ZNF384: variants seen among roughly 807,000 people sequenced by gnomAD.
ZNF384 encodes zinc finger protein 384, also known as CAG repeat protein 1.
In ZNF384, 20 loss-of-function variants were observed where a neutral mutation model predicts 65.0. That is an observed-to-expected ratio of 0.31 (90% CI 0.22 to 0.45). The LOEUF (loss-of-function observed/expected upper bound fraction) is 0.45. Among genes scored for constraint, ZNF384 ranks in the 20% least tolerant of loss-of-function variants. The pLI is 1.00. For synonymous variants in ZNF384, 310 were observed against 303.9 expected, an observed-to-expected ratio of 1.02 and a Z score of -0.21; for missense variants, 549 against 769.4, an observed-to-expected ratio of 0.71 and a Z score of 3.39.
chr12:6,674,995 C>T (rs375339392), intron 7 of ZNF384, among the ~76,000 whole-genome samples: 1 of 152,168 alleles, frequency 6.6e-6, no homozygotes. Flanking sequence ...ATTTCTCAGA[C>T]AGGTAGAACA....
chr12:6,684,028 CTGGTGG>C (rs1957059706), intron 2 of ZNF384, among the ~76,000 whole-genome samples: 1 of 151,548 alleles, frequency 6.6e-6, no homozygotes, highest in East Asian at 1.9e-4. Flanking sequence ...AAAAAAAAAA[CTGGTGG>C]ACAATATCAC....
chr12:6,679,992 T>C (rs1955313199), intron 2 of ZNF384, among the ~76,000 whole-genome samples: 1 of 152,210 alleles, frequency 6.6e-6, no homozygotes, highest in Admixed American at 6.5e-5. Flanking sequence ...AGTTTTTCTG[T>C]TTTTGAGACA....
At chr12:6,677,346 C>G (rs1320999937) in intron 6 of ZNF384, 87 bp from the exon 7 acceptor site, 2 of 1,207,050 alleles carry the variant, frequency 1.7e-6, no homozygotes, top group African/African-American at 3.2e-5. Flanking sequence ...CTGCCCCTGT[C>G]TATATCAAAG....
Position 6,678,018 on chromosome 12 carries a change from GAAGCTGTCA to G in ZNF384, c.686+100_686+108del, listed in dbSNP as rs1954356153. 4 of 1,038,254 alleles carry G rather than the reference GAAGCTGTCA, an allele frequency of 3.9e-6. No individual in the cohort carries two copies. The highest frequency in any genetic ancestry group is 1.6e-5 in the African/African-American group (1 of 62,680). 64.3% of individuals were successfully genotyped at this position (1,038,254 alleles called of 1,614,324 possible). A position where few individuals can be genotyped will look rare whatever the true frequency, so the allele number is the denominator to read the frequency against. ...TGACATGCAAGTGGCTCAGAGCTGG[GAAGCTGTCA>G]GAGTGTAGCGCCTGACCGGGGCAGA... On this transcript the variant is annotated intron_variant, in intron 6 of 11. Coordinates refer to ENST00000683879, the MANE Select transcript of ZNF384 (RefSeq NM_001385745.1). This position sits in a 1 kb window ranked among gnomAD's most constrained non-coding sequence, Gnocchi z 4.9.
chr12:6,678,109 C>T lies in ZNF384; in HGVS notation c.686+18G>A. ...CCAGGGATCCTCGCCCCATCCTGCC[C>T]CTGGCTCTGAGTCTTACCTGTAGGT... On this transcript the variant is annotated intron_variant, in intron 6 of 11. Coordinates refer to ENST00000683879, the MANE Select transcript of ZNF384 (RefSeq NM_001385745.1). The surrounding 1 kb of genome is among the most constrained non-coding windows in gnomAD (Gnocchi z 4.9). 1 of 1,598,998 alleles carries T rather than the reference C, an allele frequency of 6.3e-7. No individual in the cohort carries two copies. Among genetic ancestry groups the T allele is most frequent in the Non-Finnish European group, 8.6e-7 (1 of 1,169,586 alleles).
At position 6,667,744 on chromosome 12, in the gene ZNF384, G is replaced by A. The variant is rs1374965437; in HGVS notation, c.1797C>T (p.Thr599=). ...AGCTGGCCAGGTGCTCCACCTGGAT[G>A]GTGCTGGTGGTGACAGTGAGGCAGA... ...KDICLTVTTS[T]IQVEHLASS Residue 599 remains threonine, a synonymous_variant, in exon 12 of 12, where the codon ACC becomes ACT. Transcript: ENST00000683879. 1.9e-6 allele frequency: 3 copies of A among 1,614,192 alleles called. No individual in the cohort carries two copies. The highest frequency in any genetic ancestry group is 2.5e-6 in the Non-Finnish European group (3 of 1,180,028).
intron 11 of ZNF384, among the ~76,000 whole-genome samples, chr12:6,668,376 C>T (rs1301508288): frequency 6.6e-6 from 1 of 152,018 alleles, no homozygotes; most frequent in African/African-American, 2.4e-5. Context: ...CTGAATGAAA[C>T]AACTTTACAA....
At position 6,679,028 on chromosome 12, in the gene ZNF384, G is replaced by A; in HGVS notation, c.222C>T (p.Asp74=). Reference sequence around the variant, plus strand: ...ACGCTTGGCTGTGTGGGGTCAGCTGGTCTGACTTGGACTCTGTGTCCATAC... The same window carrying A: ...ACGCTTGGCTGTGTGGGGTCAGCTGATCTGACTTGGACTCTGTGTCCATAC... The part of the protein sequence containing the change: ...GISMDTESKS[D]QLTPHSQASV... Residue 74 remains aspartate, a synonymous_variant, in exon 4 of 12, where the codon GAC becomes GAT. Transcript: ENST00000683879. 6.2e-7 allele frequency: 1 copy of A among 1,614,058 alleles called. No individual in the cohort carries two copies.
intron 9 of ZNF384, 32 bp from the exon 10 acceptor site, chr12:6,670,870 T>G (rs747409254): frequency 6.3e-7 from 1 of 1,596,602 alleles, no homozygotes; most frequent in African/African-American, 1.3e-5. Context: ...AGGGAAAGAA[T>G]GTCAGCAAGA....
chr12:6,678,838 G>A lies in ZNF384; in HGVS notation c.304+108C>T. On this transcript the variant is annotated intron_variant, in intron 4 of 11. Transcript: ENST00000683879. This position sits in a 1 kb window ranked among gnomAD's most constrained non-coding sequence, Gnocchi z 4.9. ...GTAGGCACTTAATAAAAATTTGATT[G>A]AATAATCAAACACATATCCCACTCC... The A allele has an allele frequency of 6.8e-7, 1 of 1,463,180 alleles. No homozygotes were observed. The highest frequency in any genetic ancestry group is 9.5e-7 in the Non-Finnish European group (1 of 1,052,288). The allele number at this position is 1,463,180 out of a possible 1,614,324, so 90.6% of individuals were successfully genotyped here.
At position 6,678,643 on chromosome 12, in the gene ZNF384, CT is replaced by C. The variant is rs1387536326; in HGVS notation, c.352+19del. 1 of 1,613,368 alleles carries C rather than the reference CT, an allele frequency of 6.2e-7. No homozygotes were observed. Among genetic ancestry groups the C allele is most frequent in the African/African-American group, 1.3e-5 (1 of 74,844 alleles). Reference sequence around the variant, plus strand: ...TCTCCTAACCCTTGTCCCCACCCCCCTGGTAACAGTGAGATTTACCCCTTGA... The same window carrying C: ...TCTCCTAACCCTTGTCCCCACCCCCCGGTAACAGTGAGATTTACCCCTTGA... On this transcript the variant is annotated intron_variant, in intron 5 of 11. Coordinates refer to ENST00000683879, the MANE Select transcript of ZNF384 (RefSeq NM_001385745.1). This position sits in a 1 kb window ranked among gnomAD's most constrained non-coding sequence, Gnocchi z 4.9.
At chr12:6,687,196 C>T (rs188833790) in intron 2 of ZNF384, among the ~76,000 whole-genome samples, 93 of 152,248 alleles carry the variant, frequency 6.1e-4, no homozygotes, top group African/African-American at 2.1e-3. Context: ...AACAAATGCA[C>T]CCCAATGTTA....
chr12:6,669,135 G>C lies in ZNF384; in HGVS notation c.1321C>G (p.Arg441Gly). Reference protein sequence around the residue: ...DKPFKCHNCHRAYTDAASLEV... With the variant: ...DKPFKCHNCHGAYTDAASLEV... ...AGTGAGGCTGCATCCGTGTACGCCC[G>C]ATGACAGTTGTGGCACTTGAAGGGT... The change falls in exon 11 of 12, where the codon CGG becomes GGG. Residue 441 changes from arginine (R) to glycine (G), a missense_variant. Arg to Gly is a moderately radical substitution (Grantham distance 125). Around this residue, in one of 5 missense-constraint regions of ZNF384, gnomAD observed 38 missense variants for 99.7 expected, o/e 0.38. Transcript: ENST00000683879. The C allele has an allele frequency of 6.2e-7, 1 of 1,613,760 alleles. No individual in the cohort carries two copies. The highest frequency in any genetic ancestry group is 8.5e-7 in the Non-Finnish European group (1 of 1,179,802).
chr12:6,672,438 G>C lies in ZNF384; in HGVS notation c.1099C>G (p.Leu367Val). The C allele has an allele frequency of 6.2e-7, 1 of 1,614,204 alleles. No homozygotes were observed. Among genetic ancestry groups the C allele is most frequent in the Non-Finnish European group, 8.5e-7 (1 of 1,180,014 alleles). Reference sequence around the variant, plus strand: ...GGCTTGGCCCCCGAGTGGATACGGAGGTGCTGGGCCAGGTAGGAGGTGTTG... The same window carrying C: ...GGCTTGGCCCCCGAGTGGATACGGACGTGCTGGGCCAGGTAGGAGGTGTTG... Reference protein sequence around the residue: ...FANTSYLAQHLRIHSGAKPYN... With the variant: ...FANTSYLAQHVRIHSGAKPYN... Residue 367 changes from leucine (L) to valine (V), a missense_variant, in exon 9 of 12, where the codon CTC becomes GTC. This residue lies in a region of ZNF384 where 59 missense variants were observed against 63.6 expected (regional missense o/e 0.93). Transcript: ENST00000683879. This position sits in a 1 kb window ranked among gnomAD's most constrained non-coding sequence, Gnocchi z 4.4.
chr12:6,670,616 A>G (rs1245554019), intron 10 of ZNF384, 144 bp downstream of exon 10: 1 of 705,520 alleles, frequency 1.4e-6, no homozygotes, highest in Non-Finnish European at 2.5e-6. Flanking sequence ...GTAGACAGCT[A>G]TTACCCACAT....
intron 2 of ZNF384, among the ~76,000 whole-genome samples, chr12:6,682,763 C>T (rs1956498505): frequency 6.6e-6 from 1 of 152,178 alleles, no homozygotes; most frequent in Admixed American, 6.5e-5. Flanking sequence ...TGGGAAGGAG[C>T]AATCACATCT....
rs1336080731 is a variant in ZNF384 at position 6,667,910 on chromosome 12, TGC to T, written c.1629_1630del (p.Gln544AlafsTer34). ...GAAGTGTGGTGGTGGCTGTTGCTGC[TGC>T]TGCTGCTGCTGCTGCTGCTGCTGCT... On this transcript the variant is annotated frameshift_variant, in exon 12 of 12. Coordinates refer to ENST00000683879, the MANE Select transcript of ZNF384 (RefSeq NM_001385745.1). LOFTEE classifies it high-confidence loss of function. 8.6e-5 allele frequency: 126 copies of T among 1,473,440 alleles called. No homozygotes were observed. In the East Asian group the frequency reaches 3.0e-3, roughly 35 times the overall value. 91.3% of individuals were successfully genotyped at this position (1,473,440 alleles called of 1,614,324 possible).
At position 6,672,099 on chromosome 12, in the gene ZNF384, T is replaced by A. The variant is rs1248066809; in HGVS notation, c.1187+251A>T. 1.6e-5 allele frequency: 7 copies of A among 443,262 alleles called. No individual in the cohort carries two copies. The highest frequency in any genetic ancestry group is 5.9e-4 in the Middle Eastern group (1 of 1,692). 27.5% of individuals were successfully genotyped at this position (443,262 alleles called of 1,614,324 possible). Reference sequence around the variant, plus strand: ...GTTGTTTCTACTCCAGGTACGTGTCTGTCTCCCATGGATCAGTGAATATCA... The same window carrying A: ...GTTGTTTCTACTCCAGGTACGTGTCAGTCTCCCATGGATCAGTGAATATCA... On this transcript the variant is annotated intron_variant, in intron 9 of 11. Coordinates refer to ENST00000683879, the MANE Select transcript of ZNF384 (RefSeq NM_001385745.1). The surrounding 1 kb of genome is among the most constrained non-coding windows in gnomAD (Gnocchi z 4.4).
intron 2 of ZNF384, among the ~76,000 whole-genome samples, chr12:6,680,067 C>T (rs1565439727): frequency 6.6e-6 from 1 of 152,260 alleles, no homozygotes; most frequent in Admixed American, 6.5e-5. Flanking sequence ...CAGCCTCAAT[C>T]TTCCAGGCTC....
Sources: allele counts gnomAD v4.1 joint callset (sites outside exome capture counted in the v4.1 genomes callset), GRCh38; gene constraint gnomAD v4.1.1; regional missense constraint gnomAD v4.1.1; non-coding constraint Gnocchi (gnomAD v3.1); transcripts MANE v1.5; gene names NCBI Gene and HGNC (gene_info 2026-07-23, HGNC 2026-07-21).